CKAP2L: variants seen among roughly 807,000 people sequenced by gnomAD.
The protein encoded by CKAP2L is cytoskeleton associated protein 2L, also known as cytoskeleton-associated protein 2-like.
Under a neutral mutation model 65.7 loss-of-function variants are expected in CKAP2L, and 42 were observed. That is an observed-to-expected ratio of 0.64 (90% CI 0.50 to 0.83). CKAP2L has a LOEUF of 0.83. CKAP2L is among the 40% of genes least tolerant of loss of function. The pLI is 0.00. For missense variants in CKAP2L, 908 were observed against 871.0 expected (o/e 1.04, Z -0.53); for synonymous variants, 325 against 313.5 (o/e 1.04, Z -0.39).
intron 6 of CKAP2L, among the ~76,000 whole-genome samples, chr2:112,743,945 G>C (rs1472558440): frequency 6.6e-6 from 1 of 152,150 alleles, no homozygotes; most frequent in Non-Finnish European, 1.5e-5. Flanking sequence ...TATAGTTGGA[G>C]GTTTGTCTTC....
In CKAP2L at chr2:112,752,340, T is replaced by C; in HGVS notation, c.1529A>G (p.Glu510Gly). Reference protein sequence around the residue: ...FWKSIEKEEEEKKAQLELSSK... With the variant: ...FWKSIEKEEEGKKAQLELSSK... ...GGACAGTTCGAGTTGTGCTTTCTTTTCTTCCTCTTCTTTTTCAATGCTCTT... is the reference window on the plus strand; with the variant it reads ...GGACAGTTCGAGTTGTGCTTTCTTTCCTTCCTCTTCTTTTTCAATGCTCTT... Residue 510 changes from glutamate to glycine, a missense_variant, in exon 5 of 9, where the codon GAA (glutamate) becomes GGA (glycine). Physicochemically the swap from Glu to Gly is moderately conservative, Grantham distance 98 (BLOSUM62 -2). Coordinates refer to ENST00000302450, the MANE Select transcript of CKAP2L (RefSeq NM_152515.5). The C allele has an allele frequency of 6.2e-7, 1 of 1,613,940 alleles. No homozygotes were observed. Among genetic ancestry groups the C allele is most frequent in the South Asian group, 1.1e-5 (1 of 91,068 alleles).
chr2:112,744,548 G>A (rs1382040620), intron 6 of CKAP2L, among the ~76,000 whole-genome samples: 2 of 152,176 alleles, frequency 1.3e-5, no homozygotes, highest in Non-Finnish European at 2.9e-5. Flanking sequence ...TATTCTGCAA[G>A]TCTCTGAGGG....
At chr2:112,754,759 T>C (rs1680481038) in intron 4 of CKAP2L, among the ~76,000 whole-genome samples, 1 of 152,204 alleles carries the variant, frequency 6.6e-6, no homozygotes, top group African/African-American at 2.4e-5. Context: ...ACCAATCCTC[T>C]GTTGTCTGAC....
At chr2:112,747,866 A>T (rs1015163526) in intron 5 of CKAP2L, among the ~76,000 whole-genome samples, 6 of 152,256 alleles carry the variant, frequency 3.9e-5, no homozygotes, top group Non-Finnish European at 7.3e-5. Flanking sequence ...CTTCAGAGTG[A>T]TAAGAGAGAG....
chr2:112,755,863 G>T, intron 4 of CKAP2L, 114 bp downstream of exon 4: 1 of 1,018,940 alleles, frequency 9.8e-7, no homozygotes. Context: ...TCAGACTGTA[G>T]TTAAAAATTA....
intron 6 of CKAP2L, among the ~76,000 whole-genome samples, chr2:112,743,478 C>T (rs1680095556): frequency 6.6e-6 from 1 of 151,986 alleles, no homozygotes. Context: ...GTCTCTGTCA[C>T]CCAAGCTGGA....
At chr2:112,754,081 G>A (rs1680460771) in intron 4 of CKAP2L, among the ~76,000 whole-genome samples, 1 of 152,144 alleles carries the variant, frequency 6.6e-6, no homozygotes, top group African/African-American at 2.4e-5. Context: ...ACCTTTTAGT[G>A]TGCAATTCTG....
chr2:112,738,819 G>C lies in CKAP2L; in HGVS notation c.*4C>G, dbSNP rs779434277. 7 of 1,576,420 alleles carry C rather than the reference G, an allele frequency of 4.4e-6. 1 individual carries two copies. Among genetic ancestry groups the C allele is most frequent in the Middle Eastern group, 1.7e-4 (1 of 5,994 alleles). On this transcript the variant is annotated 3_prime_UTR_variant, in exon 9 of 9. Coordinates refer to ENST00000302450, the MANE Select transcript of CKAP2L (RefSeq NM_152515.5). The stretch of plus-strand genomic sequence containing the variant: ...ACACCTTTTTTAAAAAAAGCATCAA[G>C]AAATTATGATTCAGGGGTTTGAAAC...
At chr2:112,761,838 A>G (rs929133501) in intron 2 of CKAP2L, among the ~76,000 whole-genome samples, 2 of 152,236 alleles carry the variant, frequency 1.3e-5, no homozygotes, top group Non-Finnish European at 2.9e-5. Context: ...GAATAAGTGA[A>G]TTAGGTTCAT....
At position 112,746,514 on chromosome 2, in the gene CKAP2L, G is replaced by C. The variant is rs149380976; in HGVS notation, c.1664C>G (p.Ala555Gly). 1.2e-6 allele frequency: 2 copies of C among 1,613,028 alleles called. No homozygotes were observed. Among genetic ancestry groups the C allele is most frequent in the African/African-American group, 2.7e-5 (2 of 74,848 alleles). Residue 555 changes from alanine (A) to glycine (G), a missense_variant, in exon 6 of 9, where the codon GCT becomes GGT. Physicochemically the swap from Ala to Gly is moderately conservative, Grantham distance 60. Coordinates refer to ENST00000302450, the MANE Select transcript of CKAP2L (RefSeq NM_152515.5). ...LSSIPEAEKFAKFWICKAKLL... is the reference protein window; with the variant it reads ...LSSIPEAEKFGKFWICKAKLL... ...CTTTGCTTTGCAGATCCAGAATTTA[G>C]CAAATTTTTCAGCTTCAGGAATGCT...
At chr2:112,757,281 C>G (rs1680571733) in intron 3 of CKAP2L, 67 bp from the exon 4 acceptor site, 1 of 1,088,912 alleles carries the variant, frequency 9.2e-7, no homozygotes, top group Non-Finnish European at 1.3e-6. Context: ...AAAATAATAA[C>G]TGTGTTTAAC....
In CKAP2L at chr2:112,764,483, A is replaced by C. The variant is rs867215051; in HGVS notation, c.37+79T>G. On this transcript the variant is annotated intron_variant, in intron 1 of 8. Transcript: ENST00000302450. ...CGAGCGGACGGGCACCTCCCGCGGG[A>C]CGAACTCACTCGGTGGCCTCCTACT... 13 of 1,497,398 alleles carry C rather than the reference A, an allele frequency of 8.7e-6. No individual in the cohort carries two copies. In the African/African-American group the frequency reaches 1.2e-4, roughly 14 times the overall value. 92.8% of individuals were successfully genotyped at this position (1,497,398 alleles called of 1,614,324 possible). A position where few individuals can be genotyped will look rare whatever the true frequency, so the allele number is the denominator to read the frequency against.
At chr2:112,751,959 C>T (rs1206094145) in intron 5 of CKAP2L, among the ~76,000 whole-genome samples, 2 of 152,118 alleles carry the variant, frequency 1.3e-5, no homozygotes, top group African/African-American at 4.8e-5. Context: ...AAGCAAAGTT[C>T]CTTTTGGAGC....
intron 7 of CKAP2L, 110 bp from the exon 8 acceptor site, chr2:112,741,117 T>C: frequency 2.7e-6 from 2 of 743,304 alleles, no homozygotes; most frequent in Non-Finnish European, 4.5e-6. Context: ...GTGATCTTCA[T>C]GGGCTCCACA....
At chr2:112,742,309 T>C (rs1680030741) in intron 7 of CKAP2L, 1 of 704,490 alleles carries the variant, frequency 1.4e-6, no homozygotes, top group Admixed American at 2.0e-5. Flanking sequence ...AAGAGATTCC[T>C]GAGATAGCTA....
intron 8 of CKAP2L, among the ~76,000 whole-genome samples, chr2:112,739,961 A>G (rs1457571282): frequency 6.8e-6 from 1 of 146,438 alleles, no homozygotes; most frequent in African/African-American, 2.5e-5. Flanking sequence ...CAGCCTTTTC[A>G]TTTTTTTTTT....
At chr2:112,746,183 G>A (rs1447115317) in intron 6 of CKAP2L, among the ~76,000 whole-genome samples, 1 of 151,236 alleles carries the variant, frequency 6.6e-6, no homozygotes, top group African/African-American at 2.4e-5. Context: ...TAATTATATA[G>A]TTTTTTTTTC....
At position 112,759,740 on chromosome 2, in the gene CKAP2L, T is replaced by C. The variant is rs757981325; in HGVS notation, c.156+973A>G. 7.2e-4 allele frequency among the ~76,000 whole-genome samples: 110 copies of C among 152,226 alleles called. 1 individual carries two copies. The highest frequency in any genetic ancestry group is 1.1e-3 in the Non-Finnish European group (75 of 68,024). On this transcript the variant is annotated intron_variant, in intron 3 of 8. Transcript: ENST00000302450. ...TCCTTCACAGTGTCTAATGATGTCA[T>C]GTATACATACAACATATATATGTCT...
chr2:112,763,406 C>A (rs941209922), intron 1 of CKAP2L, among the ~76,000 whole-genome samples: 1 of 151,972 alleles, frequency 6.6e-6, no homozygotes, highest in African/African-American at 2.4e-5. Flanking sequence ...GGATAAAATA[C>A]GCCCGGTCTG....
Sources: allele counts gnomAD v4.1 joint callset (sites outside exome capture counted in the v4.1 genomes callset), GRCh38; gene constraint gnomAD v4.1.1; transcripts MANE v1.5; gene names NCBI Gene and HGNC (gene_info 2026-07-23, HGNC 2026-07-21).